Variants in RAB28 observed in about 807,000 individuals in gnomAD.
The protein encoded by RAB28 is RAB28, member RAS oncogene family.
A neutral mutation model predicts 31.7 loss-of-function variants in RAB28; 24 were observed. The observed-to-expected ratio is 0.76, with a 90% CI of 0.55 to 1.06. The LOEUF is 1.06. Among genes scored for constraint, RAB28 ranks in the 50% least tolerant of loss-of-function variants. RAB28 has a pLI of 0.00. For synonymous variants in RAB28, 100 were observed against 90.4 expected (o/e 1.11, Z -0.60); for missense variants, 254 against 258.5 (o/e 0.98, Z 0.12).
intron 3 of RAB28, among the ~76,000 whole-genome samples, chr4:13,465,754 A>AACACACACACACACACACAC (rs33979911): frequency 2.3e-4 from 33 of 142,202 alleles, no homozygotes; most frequent in African/African-American, 8.3e-4. Flanking sequence ...GGCAATCATG[A>AACACACACACACACACACAC]ACACACACAC....
Position 13,418,711 on chromosome 4 carries a change from T to C in RAB28, c.392-37117A>G, listed in dbSNP as rs559569845. ...ACAGTCAAGCAAATGCTGAGAGATT[T>C]TGTCATCACCAGGCCTCCCTTACAA... On this transcript the variant is annotated intron_variant, in intron 4 of 6. Transcript: ENST00000330852. Among the ~76,000 whole-genome samples, 19 of 152,316 alleles carry C rather than the reference T, an allele frequency of 1.2e-4. No homozygotes were observed. The East Asian group carries it at 1.9e-3, about 15-fold the overall frequency.
intron 4 of RAB28, among the ~76,000 whole-genome samples, chr4:13,406,798 T>A (rs1012906401): frequency 6.6e-6 from 1 of 152,252 alleles, no homozygotes; most frequent in South Asian, 2.1e-4. Flanking sequence ...ATAAATGTCT[T>A]CTTTTGAGAA....
chr4:13,436,611 A>C (rs995912260), intron 4 of RAB28, among the ~76,000 whole-genome samples: 1 of 152,170 alleles, frequency 6.6e-6, no homozygotes, highest in Non-Finnish European at 1.5e-5. Context: ...CCATAGTAAC[A>C]AAAAATAAAA....
intron 6 of RAB28, among the ~76,000 whole-genome samples, chr4:13,375,258 T>A (rs1009151357): frequency 1.3e-5 from 2 of 152,184 alleles, no homozygotes; most frequent in South Asian, 4.1e-4. Flanking sequence ...AGGGAGTTAT[T>A]ATGAGGATAA....
At chr4:13,427,410 C>A (rs972276999) in intron 4 of RAB28, among the ~76,000 whole-genome samples, 3 of 152,154 alleles carry the variant, frequency 2.0e-5, no homozygotes, top group African/African-American at 7.2e-5. Context: ...AGACAAGAAA[C>A]AAACAAGGTA....
rs111552758 is a variant in RAB28 at position 13,420,062 on chromosome 4, T to C, written c.392-38468A>G. Among the ~76,000 whole-genome samples the C allele has an allele frequency of 7.4e-3, 1,119 of 151,952 alleles. 19 individuals are homozygous for C. Among genetic ancestry groups the C allele is most frequent in the African/African-American group, 0.025 (1,034 of 41,442 alleles). On this transcript the variant is annotated intron_variant, in intron 4 of 6. Coordinates refer to ENST00000330852, the MANE Select transcript of RAB28 (RefSeq NM_001017979.3). ...AGAATCAAATAGATGCAATAAAAAA[T>C]GATAAAGGGGATATCACCACAGATC...
At chr4:13,406,180 T>C (rs753872863) in intron 4 of RAB28, among the ~76,000 whole-genome samples, 1 of 152,050 alleles carries the variant, frequency 6.6e-6, no homozygotes, top group Admixed American at 6.6e-5. Context: ...GGCCCCGGTG[T>C]GTGATGTTCC....
intron 2 of RAB28, among the ~76,000 whole-genome samples, chr4:13,475,368 C>T (rs1374738133): frequency 6.6e-6 from 1 of 151,356 alleles, no homozygotes. Flanking sequence ...TTTCAATTAG[C>T]ACTTTTTGAA....
At chr4:13,402,790 TA>T (rs901668727) in intron 4 of RAB28, among the ~76,000 whole-genome samples, 26 of 151,994 alleles carry the variant, frequency 1.7e-4, no homozygotes, top group Admixed American at 1.2e-3. Flanking sequence ...ATATTATTAT[TA>T]TTTTTTTATT....
intron 6 of RAB28, chr4:13,371,064 A>G: frequency 1.0e-6 from 1 of 984,334 alleles, no homozygotes; most frequent in South Asian, 4.7e-5. Context: ...ATAGAAAAGC[A>G]TCTTAATATG....
intron 4 of RAB28, chr4:13,460,004 A>G: frequency 1.2e-6 from 1 of 805,562 alleles, no homozygotes; most frequent in Non-Finnish European, 1.8e-6. Context: ...AGCAGTTATA[A>G]TAGACCACGC....
At chr4:13,452,211 C>A (rs1218776216) in intron 4 of RAB28, among the ~76,000 whole-genome samples, 1 of 151,546 alleles carries the variant, frequency 6.6e-6, no homozygotes, top group Non-Finnish European at 1.5e-5. Flanking sequence ...TTGATTATAT[C>A]TTTAAAAAAC....
intron 6 of RAB28, 70 bp from the exon 7 acceptor site, chr4:13,368,720 T>C: frequency 1.5e-6 from 2 of 1,361,588 alleles, no homozygotes; most frequent in Non-Finnish European, 2.0e-6. Context: ...TAAAGTATAT[T>C]TTTATTTTCT....
chr4:13,378,490 A>C lies in RAB28; in HGVS notation c.496-1868T>G, dbSNP rs1212566611. Among the ~76,000 whole-genome samples, 5 of 152,202 alleles carry C rather than the reference A, an allele frequency of 3.3e-5. No homozygotes were observed. The East Asian group carries it at 9.6e-4, about 29-fold the overall frequency. On this transcript the variant is annotated intron_variant, in intron 5 of 6. Coordinates refer to ENST00000330852, the MANE Select transcript of RAB28 (RefSeq NM_001017979.3). ...GACAATTCTTTAAAACATCCACTGGAAAGTGAAGGAAGGAAATAAGGCAAC... is the reference window on the plus strand; with the variant it reads ...GACAATTCTTTAAAACATCCACTGGCAAGTGAAGGAAGGAAATAAGGCAAC...
chr4:13,445,239 G>A (rs368150826), intron 4 of RAB28, among the ~76,000 whole-genome samples: 1 of 151,744 alleles, frequency 6.6e-6, no homozygotes, highest in Non-Finnish European at 1.5e-5. Flanking sequence ...GGTCTTTAAT[G>A]TTCCTATCTA....
At chr4:13,389,580 T>C (rs904777455) in intron 4 of RAB28, among the ~76,000 whole-genome samples, 1 of 152,166 alleles carries the variant, frequency 6.6e-6, no homozygotes, top group African/African-American at 2.4e-5. Context: ...ACTCTTGAAG[T>C]ACTCATCACT....
chr4:13,459,780 T>C lies in RAB28; in HGVS notation c.391+919A>G, dbSNP rs943659756. The C allele has an allele frequency of 5.5e-5, 64 of 1,173,222 alleles. No individual in the cohort carries two copies. In the African/African-American group the frequency reaches 9.0e-4, roughly 17 times the overall value. The allele number at this position is 1,173,222 out of a possible 1,614,324, so 72.7% of individuals were successfully genotyped here. On this transcript the variant is annotated intron_variant, in intron 4 of 6. Coordinates refer to ENST00000330852, the MANE Select transcript of RAB28 (RefSeq NM_001017979.3). ...AAACAATGCATATAAAATTCCAATG[T>C]AGACACTTCTTTCTTCCCTAAAATA...
At chr4:13,457,564 A>C (rs953894778) in intron 4 of RAB28, among the ~76,000 whole-genome samples, 3 of 152,148 alleles carry the variant, frequency 2.0e-5, no homozygotes, top group African/African-American at 7.2e-5. Flanking sequence ...GTGTATTATA[A>C]ATACATACAA....
chr4:13,442,136 T>C (rs886235573), intron 4 of RAB28, among the ~76,000 whole-genome samples: 8 of 152,214 alleles, frequency 5.3e-5, no homozygotes, highest in Non-Finnish European at 1.0e-4. Context: ...GGCATTCACG[T>C]TCACCATTTA....
Sources: allele counts gnomAD v4.1 joint callset (sites outside exome capture counted in the v4.1 genomes callset), GRCh38; gene constraint gnomAD v4.1.1; transcripts MANE v1.5; gene names NCBI Gene and HGNC (gene_info 2026-07-23, HGNC 2026-07-21).